Variants in HSPA12A observed in about 807,000 individuals in gnomAD.
HSPA12A encodes the protein heat shock protein family A (Hsp70) member 12A.
Under a neutral mutation model 69.2 loss-of-function variants are expected in HSPA12A, and 28 were observed. That is an observed-to-expected ratio of 0.40 (90% CI 0.30 to 0.55). The LOEUF is 0.55. Ranked by LOEUF, HSPA12A falls within the 20% of genes least tolerant of loss-of-function variation. The pLI is 0.38. For synonymous variants in HSPA12A, 345 were observed against 370.5 expected, an observed-to-expected ratio of 0.93 and a Z score of 0.79; for missense variants, 686 against 900.7, an observed-to-expected ratio of 0.76 and a Z score of 3.05.
At chr10:116,727,908 C>T (rs920489838) in intron 1 of HSPA12A, among the ~76,000 whole-genome samples, 3 of 128,884 alleles carry the variant, frequency 2.3e-5, no homozygotes, top group African/African-American at 8.4e-5. Context: ...CAGGTGTGCA[C>T]CACCATGCCC....
At chr10:116,692,220 AG>A (rs1466983302) in intron 6 of HSPA12A, 130 bp downstream of exon 6, 1 of 674,288 alleles carries the variant, frequency 1.5e-6, no homozygotes, top group Admixed American at 2.4e-5. Context: ...CACCCTGGCT[AG>A]GGGAGCCTCC....
chr10:116,791,495 A>G (rs889076684), intron 2 of HSPA12A, among the ~76,000 whole-genome samples: 5 of 152,230 alleles, frequency 3.3e-5, no homozygotes, highest in Admixed American at 6.5e-5. Flanking sequence ...CAATTAGTGC[A>G]ATTGCAATTC....
At chr10:116,807,537 A>G (rs965893548) in intron 2 of HSPA12A, among the ~76,000 whole-genome samples, 5 of 152,152 alleles carry the variant, frequency 3.3e-5, no homozygotes, top group African/African-American at 1.2e-4. Context: ...TTGATGTAGC[A>G]ATGCTTCTAT....
chr10:116,717,333 C>G lies in HSPA12A; in HGVS notation c.41-10048G>C, dbSNP rs952284012. Reference sequence around the variant, plus strand: ...TGAATGTAAATCCCCATTTCACAGACGAGCAAATAGCTGGAGGAAGTCAGG... The same window carrying G: ...TGAATGTAAATCCCCATTTCACAGAGGAGCAAATAGCTGGAGGAAGTCAGG... On this transcript the variant is annotated intron_variant, in intron 1 of 11. Transcript: ENST00000369209. Among the ~76,000 whole-genome samples the G allele has an allele frequency of 2.6e-5, 4 of 152,186 alleles. No homozygotes were observed. In the East Asian group the frequency reaches 5.8e-4, roughly 22 times the overall value.
intron 2 of HSPA12A, among the ~76,000 whole-genome samples, chr10:116,828,554 A>G (rs968034614): frequency 2.0e-5 from 3 of 152,246 alleles, no homozygotes; most frequent in African/African-American, 7.2e-5. Context: ...TGCATGCTTC[A>G]CAGTTAGTTG....
intron 6 of HSPA12A, among the ~76,000 whole-genome samples, chr10:116,689,292 G>C (rs2132932326): frequency 6.6e-6 from 1 of 152,048 alleles, no homozygotes; most frequent in African/African-American, 2.4e-5. Context: ...GAAAGGAGGG[G>C]CTCCATTTTC....
chr10:116,836,768 AACACACACACACACAC>A (rs75862523), intron 1 of HSPA12A, among the ~76,000 whole-genome samples: 2 of 146,606 alleles, frequency 1.4e-5, no homozygotes, highest in East Asian at 2.0e-4. Flanking sequence ...AAACGAACCG[AACACACACACACACAC>A]ACACACACAC....
intron 1 of HSPA12A, among the ~76,000 whole-genome samples, chr10:116,707,784 T>C (rs1271381860): frequency 4.6e-5 from 7 of 152,200 alleles, no homozygotes; most frequent in Non-Finnish European, 1.0e-4. Flanking sequence ...TAGGATGTGA[T>C]GAAGCTTCAG....
chr10:116,814,978 T>G (rs1355750275), intron 2 of HSPA12A, among the ~76,000 whole-genome samples: 1 of 152,068 alleles, frequency 6.6e-6, no homozygotes, highest in Admixed American at 6.6e-5. Context: ...AGTCTGATCT[T>G]TTCAGTAAAC....
chr10:116,842,163 T>C (rs953130239), intron 1 of HSPA12A, among the ~76,000 whole-genome samples: 2 of 152,210 alleles, frequency 1.3e-5, no homozygotes, highest in African/African-American at 4.8e-5. Context: ...TTCTCAAGTT[T>C]AATTACAAAA....
Position 116,672,474 on chromosome 10 carries a change from G to C in HSPA12A, c.*2307C>G, listed in dbSNP as rs782688953. The C allele has an allele frequency of 2.0e-5, 3 of 152,198 alleles. No individual in the cohort carries two copies. The allele number at this position is 152,198 out of a possible 1,614,324, so 9.4% of individuals were successfully genotyped here. A position where few individuals can be genotyped will look rare whatever the true frequency, so the allele number is the denominator to read the frequency against. On this transcript the variant is annotated 3_prime_UTR_variant, in exon 12 of 12. Transcript: ENST00000369209. Reference sequence around the variant, plus strand: ...GAGGCTCCTGATCCAGGCGGTCCACGTGCGTTCAGTGTGTTTGGACCCTAG... The same window carrying C: ...GAGGCTCCTGATCCAGGCGGTCCACCTGCGTTCAGTGTGTTTGGACCCTAG...
In HSPA12A at chr10:116,672,837, C is replaced by T. The variant is rs1321192323; in HGVS notation, c.*1944G>A. The T allele has an allele frequency of 1.3e-5, 2 of 152,608 alleles. No individual in the cohort carries two copies. The highest frequency in any genetic ancestry group is 2.4e-5 in the African/African-American group (1 of 41,450). 9.5% of individuals were successfully genotyped at this position (152,608 alleles called of 1,614,324 possible). On this transcript the variant is annotated 3_prime_UTR_variant, in exon 12 of 12. Transcript: ENST00000369209. ...AGGGCAGGTAGCAAGAGAACATTAGCAAAGACACCTTTGTGCCTGGATACA... is the reference window on the plus strand; with the variant it reads ...AGGGCAGGTAGCAAGAGAACATTAGTAAAGACACCTTTGTGCCTGGATACA...
At chr10:116,813,696 T>C (rs1332941128) in intron 2 of HSPA12A, among the ~76,000 whole-genome samples, 1 of 151,574 alleles carries the variant, frequency 6.6e-6, no homozygotes, top group African/African-American at 2.4e-5. Context: ...CTGGGCAACA[T>C]AGCAAGACCC....
chr10:116,740,223 C>T (rs782343779), intron 1 of HSPA12A, among the ~76,000 whole-genome samples: 10 of 152,190 alleles, frequency 6.6e-5, no homozygotes, highest in Non-Finnish European at 1.3e-4. Context: ...GTCACTCAAC[C>T]TGTGTTTGGA....
intron 2 of HSPA12A, among the ~76,000 whole-genome samples, chr10:116,795,377 T>C (rs925882350): frequency 2.6e-5 from 4 of 152,120 alleles, no homozygotes; most frequent in Admixed American, 2.0e-4. Flanking sequence ...AAAATTTCCT[T>C]TTAAAATTAC....
intron 1 of HSPA12A, among the ~76,000 whole-genome samples, chr10:116,718,958 T>C (rs1850690557): frequency 6.6e-6 from 1 of 152,034 alleles, no homozygotes; most frequent in Non-Finnish European, 1.5e-5. Context: ...CACTGAATAC[T>C]TGCTACATGC....
chr10:116,791,924 G>T (rs1844708358), intron 2 of HSPA12A, among the ~76,000 whole-genome samples: 1 of 151,944 alleles, frequency 6.6e-6, no homozygotes, highest in African/African-American at 2.4e-5. Flanking sequence ...TCGATTAGCT[G>T]GGCAAAAAGA....
chr10:116,795,554 A>G (rs779847150), intron 2 of HSPA12A, among the ~76,000 whole-genome samples: 2 of 149,848 alleles, frequency 1.3e-5, no homozygotes, highest in Non-Finnish European at 3.0e-5. Context: ...GGCGTGGTGG[A>G]ACGTGCCTGT....
At chr10:116,742,597 A>T (rs1169821280), upstream of HSPA12A, 37 of 1,105,334 alleles carry the variant, frequency 3.3e-5, no homozygotes, top group Non-Finnish European at 4.1e-5. Context: ...CGCTGCTCTG[A>T]CGCGGCAGCC....
Sources: allele counts gnomAD v4.1 joint callset (sites outside exome capture counted in the v4.1 genomes callset), GRCh38; gene constraint gnomAD v4.1.1; transcripts MANE v1.5; gene names NCBI Gene and HGNC (gene_info 2026-07-23, HGNC 2026-07-21).